DCC: variants seen among roughly 807,000 people sequenced by gnomAD.
The protein encoded by DCC is DCC netrin 1 receptor, also known as netrin receptor DCC.
A neutral mutation model predicts 172.5 loss-of-function variants in DCC; 58 were observed. That is an observed-to-expected ratio of 0.34 (90% confidence interval 0.27 to 0.42). The LOEUF (loss-of-function observed/expected upper bound fraction) is 0.42. Among genes scored for constraint, DCC ranks in the 10% least tolerant of loss-of-function variants. The pLI is 1.00. For missense variants in DCC, 1,740 were observed against 1,791.0 expected, an observed-to-expected ratio of 0.97 and a Z score of 0.51; for synonymous variants, 709 against 644.5, an observed-to-expected ratio of 1.10 and a Z score of -1.52.
At chr18:53,245,520 G>A (rs2056355358) in intron 12 of DCC, among the ~76,000 whole-genome samples, 1 of 152,066 alleles carries the variant, frequency 6.6e-6, no homozygotes, top group Non-Finnish European at 1.5e-5. Context: ...AATTATGTAA[G>A]CACTGGTGAA....
chr18:52,700,470 T>C (rs1417009437), intron 1 of DCC, among the ~76,000 whole-genome samples: 2 of 152,214 alleles, frequency 1.3e-5, no homozygotes, highest in Non-Finnish European at 2.9e-5. Flanking sequence ...TTTTTCCCTG[T>C]CATGCTACAT....
chr18:52,978,252 C>A (rs1042125253), intron 5 of DCC, among the ~76,000 whole-genome samples: 2 of 151,716 alleles, frequency 1.3e-5, no homozygotes, highest in Non-Finnish European at 2.9e-5. Flanking sequence ...GGAAGAGGGG[C>A]AAAACCAAAG....
intron 2 of DCC, among the ~76,000 whole-genome samples, chr18:52,868,696 G>C (rs563163333): frequency 1.3e-5 from 2 of 152,174 alleles, no homozygotes; most frequent in African/African-American, 4.8e-5. Flanking sequence ...TTTTGCTTAG[G>C]CCTGCTGGGC....
chr18:53,499,257 T>A, intron 26 of DCC, 41 bp from the exon 27 acceptor site: 3 of 1,603,276 alleles, frequency 1.9e-6, no homozygotes, highest in Non-Finnish European at 2.6e-6. Context: ...AAACAGACTT[T>A]GTCCAGGAAT....
intron 1 of DCC, among the ~76,000 whole-genome samples, chr18:52,443,528 A>T (rs986574113): frequency 3.1e-4 from 47 of 152,294 alleles, no homozygotes; most frequent in African/African-American, 1.1e-3. Context: ...AGTCATGAAG[A>T]ATGCATAGGA....
intron 17 of DCC, among the ~76,000 whole-genome samples, chr18:53,395,292 C>T (rs1908854614): frequency 6.6e-6 from 1 of 151,998 alleles, no homozygotes; most frequent in Non-Finnish European, 1.5e-5. Flanking sequence ...TTAGAGGAAA[C>T]TCAGTAATTC....
intron 1 of DCC, among the ~76,000 whole-genome samples, chr18:52,498,778 T>A (rs2030901987): frequency 6.6e-6 from 1 of 152,160 alleles, no homozygotes; most frequent in East Asian, 1.9e-4. Flanking sequence ...TGCTGTGTCC[T>A]CACAGGATAT....
At chr18:53,038,865 G>A (rs980860300) in intron 5 of DCC, among the ~76,000 whole-genome samples, 5 of 151,788 alleles carry the variant, frequency 3.3e-5, no homozygotes, top group African/African-American at 7.2e-5. Context: ...AATTGGTGAA[G>A]CCAGGACTAT....
At chr18:52,990,669 C>T (rs557883973) in intron 5 of DCC, among the ~76,000 whole-genome samples, 1 of 151,492 alleles carries the variant, frequency 6.6e-6, no homozygotes, top group Non-Finnish European at 1.5e-5. Context: ...ACATGCAATA[C>T]CTAGTTTCTA....
intron 15 of DCC, among the ~76,000 whole-genome samples, chr18:53,380,404 G>A (rs575515717): frequency 6.6e-6 from 1 of 152,124 alleles, no homozygotes; most frequent in Admixed American, 6.5e-5. Context: ...AATATAAAAG[G>A]ATATCAAAGC....
intron 1 of DCC, among the ~76,000 whole-genome samples, chr18:52,526,935 A>G (rs905220638): frequency 3.9e-5 from 6 of 152,302 alleles, no homozygotes; most frequent in African/African-American, 9.6e-5. Context: ...ATCCCCAGAA[A>G]TCTTCAGAAT....
At chr18:52,476,706 G>C (rs1598848701) in intron 1 of DCC, among the ~76,000 whole-genome samples, 1 of 152,246 alleles carries the variant, frequency 6.6e-6, no homozygotes, top group East Asian at 1.9e-4. Context: ...GTCACTGTCT[G>C]CAATAGTCAG....
At chr18:53,476,423 T>C (rs191285239) in intron 25 of DCC, among the ~76,000 whole-genome samples, 130 of 152,174 alleles carry the variant, frequency 8.5e-4, no homozygotes, top group African/African-American at 3.0e-3. Flanking sequence ...CGGAGCCAGG[T>C]TTTTCCCATG....
chr18:52,347,185 G>A (rs540220565), intron 1 of DCC, among the ~76,000 whole-genome samples: 4 of 152,182 alleles, frequency 2.6e-5, no homozygotes, highest in East Asian at 1.9e-4. Flanking sequence ...ATTATTCTGG[G>A]CCATCTACAA....
At chr18:52,499,908 C>A (rs960296341) in intron 1 of DCC, among the ~76,000 whole-genome samples, 1 of 152,026 alleles carries the variant, frequency 6.6e-6, no homozygotes, top group African/African-American at 2.4e-5. Context: ...CAATTTAAAG[C>A]TTTAGGAGAG....
chr18:52,605,010 C>T (rs1250704336), intron 1 of DCC, among the ~76,000 whole-genome samples: 6 of 104,458 alleles, frequency 5.7e-5, no homozygotes, highest in Non-Finnish European at 6.4e-5. Flanking sequence ...CTATAAGGAG[C>T]TGAAGTTCTG....
intron 2 of DCC, among the ~76,000 whole-genome samples, chr18:52,894,722 C>T (rs544873984): frequency 8.6e-5 from 13 of 151,886 alleles, no homozygotes; most frequent in Non-Finnish European, 2.9e-5. Context: ...AGTCTCAGTT[C>T]AAAGGCAAGA....
At chr18:52,916,742 TG>T (rs1307024329) in intron 3 of DCC, among the ~76,000 whole-genome samples, 2 of 152,176 alleles carry the variant, frequency 1.3e-5, no homozygotes, top group Admixed American at 1.3e-4. Context: ...TCTACAATTA[TG>T]TGAAAAGGCT....
intron 12 of DCC, among the ~76,000 whole-genome samples, chr18:53,300,900 T>A (rs528772018): frequency 6.9e-6 from 1 of 144,226 alleles, no homozygotes; most frequent in East Asian, 2.0e-4. Context: ...CTCTGCTCCA[T>A]GACTGAAGCA....
Sources: allele counts gnomAD v4.1 joint callset (sites outside exome capture counted in the v4.1 genomes callset), GRCh38; gene constraint gnomAD v4.1.1; transcripts MANE v1.5; gene names NCBI Gene and HGNC (gene_info 2026-07-23, HGNC 2026-07-21).